CLUAP1: variants seen among roughly 807,000 people sequenced by gnomAD.
CLUAP1 encodes intraflagellar transport 38.
CLUAP1 carries 50 observed loss-of-function variants against 55.0 expected under a neutral mutation model. The ratio of observed to expected loss-of-function variants is 0.91; its 90% CI spans 0.72 to 1.15. The LOEUF (loss-of-function observed/expected upper bound fraction) is 1.15, where lower values mean the gene tolerates loss of function less well. CLUAP1 is among the 50% of genes most tolerant of loss of function. The probability of loss-of-function intolerance (pLI) is 0.00; values close to 1 mark genes in which losing one functional copy is unlikely to be tolerated. For missense variants in CLUAP1, 530 were observed against 507.6 expected, an observed-to-expected ratio of 1.04 and a Z score of -0.42; for synonymous variants, 195 against 175.4, an observed-to-expected ratio of 1.11 and a Z score of -0.88.
intron 4 of CLUAP1, 104 bp downstream of exon 4, chr16:3,508,572 C>G (rs2037555557): frequency 9.4e-7 from 1 of 1,058,896 alleles, no homozygotes; most frequent in Non-Finnish European, 1.3e-6. Context: ...TCCTCCTCAG[C>G]TGAGGGCAGT....
At chr16:3,508,933 G>T (rs1447347994) in intron 4 of CLUAP1, among the ~76,000 whole-genome samples, 1 of 148,364 alleles carries the variant, frequency 6.7e-6, no homozygotes, top group Non-Finnish European at 1.5e-5. Context: ...TTGTGCGGGT[G>T]GCGGGTGGCG....
At chr16:3,532,893 C>T (rs1176716211) in intron 11 of CLUAP1, 52 bp downstream of exon 11, 1 of 1,594,032 alleles carries the variant, frequency 6.3e-7, no homozygotes, top group Admixed American at 1.7e-5. Context: ...TTTGGCTGTC[C>T]CCATAGATGG....
chr16:3,531,483 C>T (rs1047046516), intron 10 of CLUAP1, among the ~76,000 whole-genome samples: 1 of 151,804 alleles, frequency 6.6e-6, no homozygotes, highest in African/African-American at 2.4e-5. Context: ...GATCACGCCA[C>T]TGCACTCCAG....
chr16:3,531,315 T>G (rs1485145971), intron 10 of CLUAP1, among the ~76,000 whole-genome samples: 2 of 151,960 alleles, frequency 1.3e-5, no homozygotes, highest in Non-Finnish European at 2.9e-5. Flanking sequence ...GGTCAAGAGA[T>G]CGAGACCATC....
intron 10 of CLUAP1, among the ~76,000 whole-genome samples, chr16:3,531,720 C>T (rs184104607): frequency 2.0e-5 from 3 of 152,104 alleles, no homozygotes; most frequent in Non-Finnish European, 2.9e-5. Context: ...ACAAAGATCA[C>T]CTGAAAAAAA....
upstream of CLUAP1, chr16:3,496,244 G>C: frequency 1.5e-6 from 1 of 649,748 alleles, no homozygotes. Context: ...AAGGTTCGGC[G>C]CAAAGAGCCC....
intron 7 of CLUAP1, 21 bp downstream of exon 7, chr16:3,520,057 A>T: frequency 1.9e-6 from 3 of 1,590,068 alleles, no homozygotes; most frequent in Non-Finnish European, 2.6e-6. Flanking sequence ...ACACTTGGAG[A>T]ATGAGTAGAA....
intron 4 of CLUAP1, among the ~76,000 whole-genome samples, chr16:3,511,599 G>T (rs2037626296): frequency 6.6e-6 from 1 of 152,200 alleles, no homozygotes. Context: ...GTCCCTTTGT[G>T]TGGCCGCTCT....
intron 1 of CLUAP1, 45 bp downstream of exon 1, chr16:3,501,134 T>A (rs1488498255): frequency 6.4e-7 from 1 of 1,557,154 alleles, no homozygotes; most frequent in Non-Finnish European, 8.6e-7. Context: ...CTTCCAGAGA[T>A]TCAGGGCTCC....
upstream of CLUAP1, chr16:3,496,276 A>C (rs918375184): frequency 1.9e-5 from 15 of 770,984 alleles, no homozygotes; most frequent in Non-Finnish European, 3.2e-5. Flanking sequence ...TATCTAACTG[A>C]GGCTGTTTGT....
At chr16:3,502,435 C>A (rs1430119765) in intron 1 of CLUAP1, among the ~76,000 whole-genome samples, 2 of 143,270 alleles carry the variant, frequency 1.4e-5, no homozygotes, top group Admixed American at 1.4e-4. Flanking sequence ...CAGAGTGAGA[C>A]TGTCTTTAAA....
At position 3,532,856 on chromosome 16, in the gene CLUAP1, C is replaced by T. The variant is rs1464466109; in HGVS notation, c.1092+15C>T. ...CCGATGACAATGTAAGTCCCCCGCT[C>T]CCCTCAGTGGTTCTGTGCACTCTGG... On this transcript the variant is annotated intron_variant, in intron 11 of 11. Coordinates refer to ENST00000576634, the MANE Select transcript of CLUAP1 (RefSeq NM_015041.3). 1.9e-6 allele frequency: 3 copies of T among 1,613,702 alleles called. No homozygotes were observed. The highest frequency in any genetic ancestry group is 2.5e-6 in the Non-Finnish European group (3 of 1,179,728).
In CLUAP1 at chr16:3,538,910, G is replaced by A. The variant is rs2038291946; in HGVS notation, c.*2639G>A. On this transcript the variant is annotated 3_prime_UTR_variant, in exon 12 of 12. Coordinates refer to ENST00000576634, the MANE Select transcript of CLUAP1 (RefSeq NM_015041.3). ...AGAGCAGACCTCAGGACCTAACGAG[G>A]ATGGTTGTGATTAGGTCAAATAGAA... is the stretch of plus-strand genomic sequence containing the variant. 1 of 152,208 alleles carries A rather than the reference G, an allele frequency of 6.6e-6. No individual in the cohort carries two copies. Among genetic ancestry groups the A allele is most frequent in the African/African-American group, 2.4e-5 (1 of 41,454 alleles). 9.4% of individuals were successfully genotyped at this position (152,208 alleles called of 1,614,324 possible).
intron 4 of CLUAP1, among the ~76,000 whole-genome samples, chr16:3,510,625 T>C (rs977706725): frequency 6.6e-6 from 1 of 152,358 alleles, no homozygotes; most frequent in African/African-American, 2.4e-5. Flanking sequence ...GCCTCTGTGC[T>C]GTACTCTACG....
In CLUAP1 at chr16:3,506,340, C is replaced by T; in HGVS notation, c.144C>T (p.Pro48=). 1 of 1,613,738 alleles carries T rather than the reference C, an allele frequency of 6.2e-7. No individual in the cohort carries two copies. Among genetic ancestry groups the T allele is most frequent in the Non-Finnish European group, 8.5e-7 (1 of 1,179,742 alleles). ...TTACCTCTCTTGATAGATATGAGCC[C>T]CAGACTGACATCCCGCCTGACGTGG... The part of the protein sequence containing the change: ...VLLWLVKRYE[P]QTDIPPDVDT... The change falls in exon 3 of 12, where the codon CCC becomes CCT. Residue 48 remains proline (P), a synonymous_variant. Transcript: ENST00000576634.
At position 3,536,944 on chromosome 16, in the gene CLUAP1, C is replaced by A. The variant is rs1351743348; in HGVS notation, c.*673C>A. ...CCATTTTCTGTCCGAAGCTGACATT[C>A]CTCTGGCAGTCCAGTTCACCTTGGA... On this transcript the variant is annotated 3_prime_UTR_variant, in exon 12 of 12. Coordinates refer to ENST00000576634, the MANE Select transcript of CLUAP1 (RefSeq NM_015041.3). The A allele has an allele frequency of 2.6e-5, 4 of 152,148 alleles. No individual in the cohort carries two copies. The highest frequency in any genetic ancestry group is 9.7e-5 in the African/African-American group (4 of 41,390). The allele number at this position is 152,148 out of a possible 1,614,324, so 9.4% of individuals were successfully genotyped here.
rs145345996 is a variant in CLUAP1 at position 3,512,438 on chromosome 16, C to A, written c.455C>A (p.Ala152Glu). 3.1e-4 allele frequency: 507 copies of A among 1,613,938 alleles called. No homozygotes were observed. The highest frequency in any genetic ancestry group is 3.9e-4 in the Non-Finnish European group (466 of 1,179,942). ...GCGTCTGAAATCACCTCCAAAGGAG[C>A]ATCTCTGTATGACTTGCTCGGCATG... ...QLASEITSKGASLYDLLGMEV... is the reference protein window; with the variant it reads ...QLASEITSKGESLYDLLGMEV... The change falls in exon 5 of 12, where the codon GCA (alanine) becomes GAA (glutamate). Residue 152 changes from alanine (A) to glutamate (E), a missense_variant. Ala to Glu is a moderately radical substitution (Grantham distance 107). Coordinates refer to ENST00000576634, the MANE Select transcript of CLUAP1 (RefSeq NM_015041.3).
Position 3,532,844 on chromosome 16 carries a change from A to T in CLUAP1, c.1092+3A>T. The T allele has an allele frequency of 6.2e-7, 1 of 1,614,014 alleles. No homozygotes were observed. Among genetic ancestry groups the T allele is most frequent in the South Asian group, 1.1e-5 (1 of 91,070 alleles). Reference sequence around the variant, plus strand: ...AAGGTGGAGACTCCGATGACAATGTAAGTCCCCCGCTCCCCTCAGTGGTTC... The same window carrying T: ...AAGGTGGAGACTCCGATGACAATGTTAGTCCCCCGCTCCCCTCAGTGGTTC... On this transcript the variant is annotated splice_donor_region_variant and intron_variant, in intron 11 of 11. Coordinates refer to ENST00000576634, the MANE Select transcript of CLUAP1 (RefSeq NM_015041.3).
At chr16:3,498,251 C>A (rs1371538424), upstream of CLUAP1, among the ~76,000 whole-genome samples, 1 of 152,020 alleles carries the variant, frequency 6.6e-6, no homozygotes, top group Non-Finnish European at 1.5e-5. Context: ...GGGCACCCAG[C>A]AGATTGGATG....
Sources: gnomAD v4.1 joint callset for allele counts (sites outside exome capture counted in the v4.1 genomes callset) on GRCh38, gnomAD v4.1.1 for gene constraint, MANE v1.5 for transcripts, NCBI Gene and HGNC (gene_info 2026-07-23, HGNC 2026-07-21) for gene names.